TMEM229B: variants seen among roughly 807,000 people sequenced by gnomAD.
TMEM229B encodes transmembrane protein 229B.
TMEM229B carries 6 observed loss-of-function variants against 13.7 expected under a neutral mutation model. The ratio of observed to expected loss-of-function variants is 0.44; its 90% CI spans 0.24 to 0.86. The LOEUF (loss-of-function observed/expected upper bound fraction) is 0.86. TMEM229B is among the 40% of genes least tolerant of loss of function. TMEM229B has a pLI of 0.23. For synonymous variants in TMEM229B, 107 were observed against 102.1 expected (o/e 1.05, Z -0.29); for missense variants, 170 against 236.0 (o/e 0.72, Z 1.83).
chr14:67,492,648 G>A (rs1196003016), upstream of TMEM229B, among the ~76,000 whole-genome samples: 2 of 152,332 alleles, frequency 1.3e-5, no homozygotes, highest in East Asian at 3.9e-4. Context: ...AGACAAGCCT[G>A]GACCGCTCTT....
intron 1 of TMEM229B, among the ~76,000 whole-genome samples, chr14:67,512,118 C>T (rs916739994): frequency 7.2e-5 from 11 of 152,190 alleles, no homozygotes; most frequent in African/African-American, 2.7e-4. Flanking sequence ...TACTCGGGTA[C>T]TTGATTTTAA....
intron 2 of TMEM229B, among the ~76,000 whole-genome samples, chr14:67,483,647 A>C (rs1437108281): frequency 6.6e-6 from 1 of 152,220 alleles, no homozygotes; most frequent in Non-Finnish European, 1.5e-5. Context: ...GGACCATGAC[A>C]GCAACCAACC....
chr14:67,531,501 G>GA (rs1454163136), intron 1 of TMEM229B, among the ~76,000 whole-genome samples: 1 of 151,862 alleles, frequency 6.6e-6, no homozygotes, highest in Non-Finnish European at 1.5e-5. Context: ...CAACTGAGCT[G>GA]AAAAAAATGT....
chr14:67,477,034 C>T (rs987839960), intron 2 of TMEM229B, among the ~76,000 whole-genome samples: 1 of 152,118 alleles, frequency 6.6e-6, no homozygotes, highest in Non-Finnish European at 1.5e-5. Context: ...AATGTGGTGG[C>T]ATGCGCCTAT....
intron 1 of TMEM229B, among the ~76,000 whole-genome samples, chr14:67,511,743 C>T (rs1337768472): frequency 6.6e-6 from 1 of 152,220 alleles, no homozygotes; most frequent in South Asian, 2.1e-4. Flanking sequence ...CGCTCCACTA[C>T]ATTTATACAT....
At chr14:67,505,710 C>CTT (rs535005334) in intron 1 of TMEM229B, among the ~76,000 whole-genome samples, 1 of 141,504 alleles carries the variant, frequency 7.1e-6, no homozygotes, top group African/African-American at 2.6e-5. Context: ...ATAATTTGCT[C>CTT]TTTTTTTTTT....
intron 1 of TMEM229B, among the ~76,000 whole-genome samples, chr14:67,524,965 C>T (rs1024611969): frequency 2.0e-5 from 3 of 152,194 alleles, no homozygotes; most frequent in Non-Finnish European, 4.4e-5. Flanking sequence ...GGTGCACACT[C>T]TGGCTCTTGG....
intron 1 of TMEM229B, among the ~76,000 whole-genome samples, chr14:67,494,053 C>T (rs2032270702): frequency 1.3e-5 from 2 of 152,084 alleles, no homozygotes; most frequent in Admixed American, 1.3e-4. Context: ...TGACCCCAGC[C>T]ACACCAGGCA....
intron 1 of TMEM229B, among the ~76,000 whole-genome samples, chr14:67,496,602 T>C (rs2032393286): frequency 6.6e-6 from 1 of 151,560 alleles, no homozygotes; most frequent in Non-Finnish European, 1.5e-5. Context: ...GTCCTCCCTC[T>C]CCCTCCCTCC....
chr14:67,516,647 G>A (rs1341153893), upstream of TMEM229B, among the ~76,000 whole-genome samples: 4 of 152,178 alleles, frequency 2.6e-5, no homozygotes, highest in Non-Finnish European at 5.9e-5. Context: ...TGATGGGGCC[G>A]TAGGTCTTCC....
chr14:67,520,068 G>A (rs1019792790), upstream of TMEM229B, among the ~76,000 whole-genome samples: 1 of 152,134 alleles, frequency 6.6e-6, no homozygotes. Flanking sequence ...GCAAAATTGA[G>A]AAGAAAGTAC....
At chr14:67,517,960 A>G (rs1327795535), upstream of TMEM229B, among the ~76,000 whole-genome samples, 1 of 152,212 alleles carries the variant, frequency 6.6e-6, no homozygotes, top group Non-Finnish European at 1.5e-5. Flanking sequence ...TGCTGTAGAA[A>G]TGGACTTTAA....
intron 2 of TMEM229B, among the ~76,000 whole-genome samples, chr14:67,477,106 C>T (rs2031254739): frequency 1.3e-5 from 2 of 151,240 alleles, no homozygotes; most frequent in African/African-American, 4.9e-5. Flanking sequence ...GTGGAGGTTG[C>T]AGTGAGTCGC....
At chr14:67,477,670 A>G (rs1449842329) in intron 2 of TMEM229B, among the ~76,000 whole-genome samples, 1 of 152,142 alleles carries the variant, frequency 6.6e-6, no homozygotes, top group Non-Finnish European at 1.5e-5. Flanking sequence ...TATGCCTGTA[A>G]TCCTAGCACT....
At chr14:67,493,326 A>G (rs1050437670), upstream of TMEM229B, among the ~76,000 whole-genome samples, 1 of 152,156 alleles carries the variant, frequency 6.6e-6, no homozygotes, top group East Asian at 1.9e-4. Context: ...CTTTCCCGCC[A>G]AGTGCCCACC....
intron 2 of TMEM229B, among the ~76,000 whole-genome samples, chr14:67,485,640 G>C (rs902315617): frequency 1.3e-5 from 2 of 152,188 alleles, no homozygotes; most frequent in Admixed American, 6.5e-5. Flanking sequence ...ACCAGGCTAC[G>C]GGCCCTGCAC....
intron 1 of TMEM229B, among the ~76,000 whole-genome samples, chr14:67,497,585 T>C (rs145202250): frequency 4.5e-4 from 68 of 152,288 alleles, no homozygotes; most frequent in African/African-American, 1.4e-3. Flanking sequence ...AAAATGTCCA[T>C]TTATAATTAT....
At chr14:67,502,628 T>A (rs2032656230) in intron 1 of TMEM229B, among the ~76,000 whole-genome samples, 1 of 151,860 alleles carries the variant, frequency 6.6e-6, no homozygotes, top group Non-Finnish European at 1.5e-5. Context: ...AATTTTGTAC[T>A]TTTAGTAGAG....
chr14:67,483,727 C>A (rs992790492), intron 2 of TMEM229B, among the ~76,000 whole-genome samples: 5 of 152,362 alleles, frequency 3.3e-5, no homozygotes, highest in African/African-American at 1.2e-4. Flanking sequence ...GGCCCCCTGA[C>A]TGCCAGCCCA....
Sources: gnomAD v4.1 joint callset for allele counts (sites outside exome capture counted in the v4.1 genomes callset) on GRCh38, gnomAD v4.1.1 for gene constraint, MANE v1.5 for transcripts, NCBI Gene and HGNC (gene_info 2026-07-23, HGNC 2026-07-21) for gene names.